Variants in CORO2B observed in about 807,000 individuals in gnomAD.
CORO2B encodes the protein coronin-2B.
A neutral mutation model predicts 58.8 loss-of-function variants in CORO2B; 26 were observed. The observed-to-expected ratio is 0.44, with a 90% CI of 0.32 to 0.61. The LOEUF (loss-of-function observed/expected upper bound fraction) is 0.61, where lower values mean the gene tolerates loss of function less well. Among genes scored for constraint, CORO2B ranks in the 20% least tolerant of loss-of-function variants. The pLI is 0.04. For synonymous variants in CORO2B, 242 were observed against 253.8 expected, an observed-to-expected ratio of 0.95 and a Z score of 0.44; for missense variants, 460 against 645.1, an observed-to-expected ratio of 0.71 and a Z score of 3.11.
chr15:68,663,807 A>T (rs1255371967), intron 2 of CORO2B, among the ~76,000 whole-genome samples: 1 of 152,244 alleles, frequency 6.6e-6, no homozygotes, highest in Non-Finnish European at 1.5e-5. Context: ...AAAAGGTACT[A>T]CTTTCCCAGA....
At chr15:68,558,364 T>TC in the CORO2B span, among the ~76,000 whole-genome samples, 372 of 151,204 alleles carry the variant, frequency 2.5e-3, 1 homozygote, top group African/African-American at 8.0e-3. Flanking sequence ...AAAACTCCCT[T>TC]CCCCCTCACC....
chr15:68,618,428 C>T (rs1381257564), intron 1 of CORO2B, among the ~76,000 whole-genome samples: 2 of 152,212 alleles, frequency 1.3e-5, no homozygotes, highest in East Asian at 3.9e-4. Context: ...GTTCAAGTGG[C>T]ACTTGAGCTG....
At chr15:68,714,122 G>C in intron 6 of CORO2B, 81 bp downstream of exon 6, 1 of 870,484 alleles carries the variant, frequency 1.1e-6, no homozygotes, top group Non-Finnish European at 1.9e-6. Context: ...AAAGTCAGGA[G>C]CCTGGGCCCG....
At chr15:68,634,737 A>G (rs1183443607) in intron 1 of CORO2B, among the ~76,000 whole-genome samples, 2 of 152,196 alleles carry the variant, frequency 1.3e-5, no homozygotes, top group Non-Finnish European at 2.9e-5. Flanking sequence ...GGTAATTGTG[A>G]TGCACCTGCA....
chr15:68,665,611 T>C (rs1455481670), intron 2 of CORO2B, among the ~76,000 whole-genome samples: 1 of 151,906 alleles, frequency 6.6e-6, no homozygotes, highest in Non-Finnish European at 1.5e-5. Flanking sequence ...GTTTACTTTT[T>C]GTAGTCCTTT....
At chr15:68,625,339 C>G (rs1900647165) in intron 1 of CORO2B, among the ~76,000 whole-genome samples, 1 of 151,836 alleles carries the variant, frequency 6.6e-6, no homozygotes, top group South Asian at 2.1e-4. Flanking sequence ...TTTTTAGTGT[C>G]CACTTCTATG....
chr15:68,564,325 A>C, the CORO2B span, among the ~76,000 whole-genome samples: 4 of 151,682 alleles, frequency 2.6e-5, no homozygotes, highest in Admixed American at 6.6e-5. Flanking sequence ...TTTTTTTGAA[A>C]CAGGGTCTCA....
At chr15:68,617,977 T>C (rs1900410034) in intron 1 of CORO2B, among the ~76,000 whole-genome samples, 1 of 152,230 alleles carries the variant, frequency 6.6e-6, no homozygotes, top group Non-Finnish European at 1.5e-5. Context: ...GAGCATCTAC[T>C]ATGTCCCAAG....
rs1019819912 is a variant in CORO2B, at chr15:68,645,948, A to G, written c.216+588A>G. Among the ~76,000 whole-genome samples the G allele has an allele frequency of 5.3e-5, 8 of 151,358 alleles. No homozygotes were observed. The highest frequency in any genetic ancestry group is 1.7e-4 in the African/African-American group (7 of 41,150). ...GCCACCACGCCCAGCTAATTTTTGT[A>G]TTTTCAGTAGAGATGGGGTTTCACC... On this transcript the variant is annotated intron_variant, in intron 2 of 11. Transcript: ENST00000261861. This position sits in a 1 kb window ranked among gnomAD's most constrained non-coding sequence, Gnocchi z 4.5.
At chr15:68,682,196 A>T (rs554582413) in intron 2 of CORO2B, among the ~76,000 whole-genome samples, 176 of 152,326 alleles carry the variant, frequency 1.2e-3, no homozygotes, top group African/African-American at 4.1e-3. Context: ...CTGCCAAAAA[A>T]TCCTGCAGAT....
intron 1 of CORO2B, among the ~76,000 whole-genome samples, chr15:68,622,815 C>G (rs1900565261): frequency 6.6e-6 from 1 of 152,186 alleles, no homozygotes; most frequent in Non-Finnish European, 1.5e-5. Context: ...TCACAACACC[C>G]CTGTGAGGCA....
chr15:68,559,731 C>G, the CORO2B span: 2 of 738,354 alleles, frequency 2.7e-6, no homozygotes, highest in Non-Finnish European at 3.3e-6. This position sits in a 1 kb window ranked among gnomAD's most constrained non-coding sequence, Gnocchi z 4.3. Context: ...GTCGGTGAGG[C>G]TGCGGCGCCC....
chr15:68,694,052 T>G (rs111507279), intron 2 of CORO2B, among the ~76,000 whole-genome samples: 40 of 152,216 alleles, frequency 2.6e-4, no homozygotes, highest in Non-Finnish European at 4.6e-4. Context: ...GCCAGGCTGG[T>G]CTCAAACTCC....
At chr15:68,705,294 TG>T (rs1051858402) in intron 3 of CORO2B, among the ~76,000 whole-genome samples, 2 of 151,930 alleles carry the variant, frequency 1.3e-5, no homozygotes, top group African/African-American at 4.8e-5. Flanking sequence ...AAAAATTAGC[TG>T]GGCGTGGTGG....
chr15:68,674,141 A>G (rs1240118388), intron 2 of CORO2B, among the ~76,000 whole-genome samples: 1 of 152,092 alleles, frequency 6.6e-6, no homozygotes, highest in African/African-American at 2.4e-5. Flanking sequence ...CACAGAGTCT[A>G]AGAGCTTGGA....
chr15:68,601,315 G>C (rs947683521), intron 1 of CORO2B, among the ~76,000 whole-genome samples: 2 of 152,216 alleles, frequency 1.3e-5, no homozygotes, highest in African/African-American at 2.4e-5. Context: ...GACAGGATGG[G>C]GTTGGCAGCA....
the CORO2B span, among the ~76,000 whole-genome samples, chr15:68,561,092 C>G: frequency 6.6e-6 from 1 of 152,182 alleles, no homozygotes; most frequent in African/African-American, 2.4e-5. Context: ...CCGCGTCCCC[C>G]AGGCTCCCAG....
intron 1 of CORO2B, among the ~76,000 whole-genome samples, chr15:68,625,780 T>C (rs1000683586): frequency 2.6e-5 from 4 of 151,968 alleles, no homozygotes; most frequent in Non-Finnish European, 5.9e-5. Flanking sequence ...AACTTTTGTA[T>C]TTTTTGTAGA....
At chr15:68,567,297 G>C in the CORO2B span, among the ~76,000 whole-genome samples, 1 of 152,158 alleles carries the variant, frequency 6.6e-6, no homozygotes, top group Non-Finnish European at 1.5e-5. Flanking sequence ...CTCCATAAGA[G>C]AGTGAAGTTC....
Sources: gnomAD v4.1 joint callset for allele counts (sites outside exome capture counted in the v4.1 genomes callset) on GRCh38, gnomAD v4.1.1 for gene constraint, Gnocchi (gnomAD v3.1) non-coding constraint, MANE v1.5 for transcripts, NCBI Gene and HGNC (gene_info 2026-07-23, HGNC 2026-07-21) for gene names.